UBE2E1: variants seen among roughly 807,000 people sequenced by gnomAD.
UBE2E1 encodes the protein ubiquitin-conjugating enzyme E2 E1.
UBE2E1 carries 6 observed loss-of-function variants against 21.4 expected under a neutral mutation model. The observed-to-expected ratio is 0.28, with a 90% CI of 0.15 to 0.55. The LOEUF is 0.55. Among genes scored for constraint, UBE2E1 ranks in the 20% least tolerant of loss-of-function variants. The pLI, the probability that UBE2E1 is intolerant of heterozygous loss-of-function variation, is 0.93. For synonymous variants in UBE2E1, 87 were observed against 82.7 expected, an observed-to-expected ratio of 1.05 and a Z score of -0.28; for missense variants, 142 against 236.5, an observed-to-expected ratio of 0.60 and a Z score of 2.62.
chr3:23,816,339 T>A lies in UBE2E1; in HGVS notation c.203+4829T>A, dbSNP rs961773308. 1.3e-5 allele frequency among the ~76,000 whole-genome samples: 2 copies of A among 152,206 alleles called. No individual in the cohort carries two copies. The highest frequency in any genetic ancestry group is 4.8e-5 in the African/African-American group (2 of 41,454). ...GTGGATAAACAAAATTTGGTTAATC[T>A]ATAAACTGGAATATTCATCTATAAA... On this transcript the variant is annotated intron_variant, in intron 3 of 5. Coordinates refer to ENST00000306627, the MANE Select transcript of UBE2E1 (RefSeq NM_003341.5). The surrounding 1 kb of genome is among the most constrained non-coding windows in gnomAD (Gnocchi z 4.8).
At chr3:23,827,032 A>G (rs939482252) in intron 3 of UBE2E1, among the ~76,000 whole-genome samples, 8 of 152,144 alleles carry the variant, frequency 5.3e-5, no homozygotes, top group African/African-American at 1.9e-4. Context: ...CCCTCTCCCC[A>G]CTAATAAACA....
At chr3:23,873,562 A>G (rs887324312) in intron 3 of UBE2E1, among the ~76,000 whole-genome samples, 2 of 152,214 alleles carry the variant, frequency 1.3e-5, no homozygotes, top group Admixed American at 6.5e-5. Flanking sequence ...CCTGACCAAC[A>G]TGGTGACACC....
chr3:23,846,804 A>G (rs1002701521), intron 3 of UBE2E1, among the ~76,000 whole-genome samples: 1 of 152,084 alleles, frequency 6.6e-6, no homozygotes, highest in Non-Finnish European at 1.5e-5. Flanking sequence ...GGAATTGTTA[A>G]AGATGGGACA....
intron 3 of UBE2E1, among the ~76,000 whole-genome samples, chr3:23,878,214 G>A (rs1700959172): frequency 6.6e-6 from 1 of 152,184 alleles, no homozygotes; most frequent in South Asian, 2.1e-4. Context: ...AGGCAACAGA[G>A]TTGGGCATCT....
At chr3:23,889,881 C>T (rs958151866) in intron 5 of UBE2E1, 3 of 317,266 alleles carry the variant, frequency 9.5e-6, no homozygotes, top group Non-Finnish European at 1.3e-5. Flanking sequence ...GGTGGCAAAG[C>T]GAGACCCTGT....
intron 3 of UBE2E1, among the ~76,000 whole-genome samples, chr3:23,817,440 AAAG>A (rs1180150836): frequency 5.1e-4 from 22 of 42,804 alleles, no homozygotes; most frequent in Admixed American, 1.6e-3. Context: ...AAAAAAAAAG[AAAG>A]AAAAGAAAAG....
chr3:23,855,592 G>A (rs1700416746), intron 3 of UBE2E1, among the ~76,000 whole-genome samples: 1 of 152,130 alleles, frequency 6.6e-6, no homozygotes, highest in East Asian at 1.9e-4. Flanking sequence ...CACTTTGGGA[G>A]GCCGAGGTGG....
chr3:23,873,476 G>T (rs552317867), intron 3 of UBE2E1, among the ~76,000 whole-genome samples: 2 of 152,184 alleles, frequency 1.3e-5, no homozygotes, highest in African/African-American at 4.8e-5. Context: ...GTCGGGCGCG[G>T]TGGCTCACGC....
At chr3:23,857,500 T>C (rs932952089) in intron 3 of UBE2E1, among the ~76,000 whole-genome samples, 1 of 152,208 alleles carries the variant, frequency 6.6e-6, no homozygotes, top group African/African-American at 2.4e-5. Flanking sequence ...TTTTAAGATG[T>C]TATTTTCCAA....
chr3:23,878,997 A>C (rs776837538), intron 3 of UBE2E1: 1 of 478,562 alleles, frequency 2.1e-6, no homozygotes, highest in African/African-American at 2.0e-5. Context: ...TCCATCTCCT[A>C]TGATTGCACA....
chr3:23,832,772 T>G (rs1160251104), intron 3 of UBE2E1, among the ~76,000 whole-genome samples: 2 of 152,218 alleles, frequency 1.3e-5, no homozygotes, highest in Non-Finnish European at 2.9e-5. Context: ...GACTCACACC[T>G]GTAATCTCAG....
chr3:23,846,516 T>C (rs1700207557), intron 3 of UBE2E1, among the ~76,000 whole-genome samples: 1 of 151,960 alleles, frequency 6.6e-6, no homozygotes. Flanking sequence ...GCCAACATGG[T>C]GAAACCCCAT....
At chr3:23,889,085 A>G (rs776198376) in intron 4 of UBE2E1, 27 bp from the exon 5 acceptor site, 42 of 1,577,896 alleles carry the variant, frequency 2.7e-5, no homozygotes, top group Non-Finnish European at 3.3e-5. Flanking sequence ...TGCTGTTTAA[A>G]TATTGTCTGT....
rs1700588434 is a variant in UBE2E1, at chr3:23,863,064, A to T, written c.204-24503A>T. Among the ~76,000 whole-genome samples, 1 of 152,130 alleles carries T rather than the reference A, an allele frequency of 6.6e-6. No homozygotes were observed. The highest frequency in any genetic ancestry group is 2.1e-4 in the South Asian group (1 of 4,824). On this transcript the variant is annotated intron_variant, in intron 3 of 5. Coordinates refer to ENST00000306627, the MANE Select transcript of UBE2E1 (RefSeq NM_003341.5). The surrounding 1 kb of genome is among the most constrained non-coding windows in gnomAD (Gnocchi z 4.3). ...TATTTCTTTGTTTGTTAAAAAAAAA[A>T]AAAAAAACTATTCCCAGCATTTTGC...
At chr3:23,832,649 C>T (rs537958556) in intron 3 of UBE2E1, among the ~76,000 whole-genome samples, 3 of 152,202 alleles carry the variant, frequency 2.0e-5, no homozygotes, top group South Asian at 4.1e-4. Flanking sequence ...GAGAGAGAAT[C>T]GCTTGAAGCC....
intron 3 of UBE2E1, among the ~76,000 whole-genome samples, chr3:23,878,650 C>G (rs2360020): frequency 6.6e-6 from 1 of 152,192 alleles, no homozygotes; most frequent in African/African-American, 2.4e-5. Flanking sequence ...CATAGGCACA[C>G]GCAAACCCTA....
chr3:23,880,324 A>G (rs1701009647), intron 3 of UBE2E1, among the ~76,000 whole-genome samples: 1 of 141,344 alleles, frequency 7.1e-6, no homozygotes, highest in Non-Finnish European at 1.6e-5. Flanking sequence ...CAGAGGTTGC[A>G]GTGAGCCAAG....
intron 3 of UBE2E1, among the ~76,000 whole-genome samples, chr3:23,868,572 G>A (rs761372496): frequency 6.6e-6 from 1 of 152,150 alleles, no homozygotes; most frequent in Non-Finnish European, 1.5e-5. Context: ...CTCCCAAAGT[G>A]CTGGGATTAT....
chr3:23,887,207 C>T lies in UBE2E1; in HGVS notation c.204-360C>T, dbSNP rs1701206965. On this transcript the variant is annotated intron_variant, in intron 3 of 5. Transcript: ENST00000306627. This position sits in a 1 kb window ranked among gnomAD's most constrained non-coding sequence, Gnocchi z 4.4. ...TGGTCATAAGTGATGTAGCTGTGAG[C>T]AAAAACTGCTCGCATTTGTCACTAA... Among the ~76,000 whole-genome samples the T allele has an allele frequency of 6.6e-6, 1 of 152,170 alleles. No homozygotes were observed. Among genetic ancestry groups the T allele is most frequent in the Admixed American group, 6.5e-5 (1 of 15,278 alleles).
Sources: gnomAD v4.1 joint callset for allele counts (sites outside exome capture counted in the v4.1 genomes callset) on GRCh38, gnomAD v4.1.1 for gene constraint, Gnocchi (gnomAD v3.1) non-coding constraint, MANE v1.5 for transcripts, NCBI Gene and HGNC (gene_info 2026-07-23, HGNC 2026-07-21) for gene names.